SPOCK1: variants seen among roughly 807,000 people sequenced by gnomAD.
The protein encoded by SPOCK1 is testican-1.
Under a neutral mutation model 55.3 loss-of-function variants are expected in SPOCK1, and 23 were observed. The ratio of observed to expected loss-of-function variants is 0.42; its 90% CI spans 0.30 to 0.59. The LOEUF is 0.59. Among genes scored for constraint, SPOCK1 ranks in the 20% least tolerant of loss-of-function variants. The pLI is 0.22. For missense variants in SPOCK1, 499 were observed against 552.5 expected (o/e 0.90, Z 0.97); for synonymous variants, 226 against 221.0 (o/e 1.02, Z -0.20).
At chr5:137,123,146 C>T (rs1199796581) in intron 4 of SPOCK1, among the ~76,000 whole-genome samples, 2 of 152,200 alleles carry the variant, frequency 1.3e-5, no homozygotes, top group African/African-American at 2.4e-5. Flanking sequence ...CAGCCAGATC[C>T]GCACCATTAC....
chr5:137,231,207 G>A (rs1756055220), intron 3 of SPOCK1, among the ~76,000 whole-genome samples: 1 of 152,140 alleles, frequency 6.6e-6, no homozygotes, highest in African/African-American at 2.4e-5. Flanking sequence ...ACCACAACCA[G>A]CTAATTTTTG....
chr5:137,424,873 G>A (rs1466351347), intron 2 of SPOCK1, among the ~76,000 whole-genome samples: 1 of 152,192 alleles, frequency 6.6e-6, no homozygotes, highest in Non-Finnish European at 1.5e-5. Flanking sequence ...TAATAAAAAT[G>A]TTCTAAATCT....
At chr5:137,362,330 C>CTT (rs745634969) in intron 2 of SPOCK1, among the ~76,000 whole-genome samples, 10,455 of 136,540 alleles carry the variant, frequency 0.077, 562 homozygotes, top group Admixed American at 0.18. Flanking sequence ...CGTCAGCAAC[C>CTT]TTTTTTTTTT....
At chr5:137,211,214 G>A (rs540738118) in intron 3 of SPOCK1, among the ~76,000 whole-genome samples, 164 of 152,280 alleles carry the variant, frequency 1.1e-3, no homozygotes, top group African/African-American at 3.5e-3. Flanking sequence ...GGATCCCATT[G>A]GTGCATAGGA....
At chr5:137,324,306 G>T (rs1489254533) in intron 2 of SPOCK1, among the ~76,000 whole-genome samples, 2 of 152,142 alleles carry the variant, frequency 1.3e-5, no homozygotes, top group Admixed American at 1.3e-4. Context: ...TTAGCCAGGT[G>T]TGGGGATGAG....
chr5:136,982,794 A>C (rs1750756492), intron 9 of SPOCK1, among the ~76,000 whole-genome samples: 1 of 152,204 alleles, frequency 6.6e-6, no homozygotes, highest in Non-Finnish European at 1.5e-5. Context: ...GTTTGGTAGA[A>C]TAAATCCTTT....
chr5:137,001,934 T>C (rs1414707905), intron 6 of SPOCK1, among the ~76,000 whole-genome samples: 2 of 152,196 alleles, frequency 1.3e-5, no homozygotes, highest in Non-Finnish European at 2.9e-5. Context: ...ACAGAGATCT[T>C]TGAGCCAGGT....
chr5:137,205,324 T>G (rs1291664161), intron 3 of SPOCK1, among the ~76,000 whole-genome samples: 2 of 151,946 alleles, frequency 1.3e-5, no homozygotes, highest in Non-Finnish European at 2.9e-5. Context: ...CTATTGCACG[T>G]CAGTGAAAGG....
At chr5:137,472,761 T>C (rs1400907588) in intron 2 of SPOCK1, among the ~76,000 whole-genome samples, 1 of 152,022 alleles carries the variant, frequency 6.6e-6, no homozygotes, top group African/African-American at 2.4e-5. Context: ...ATTCAGACAA[T>C]GGAATATACG....
intron 6 of SPOCK1, among the ~76,000 whole-genome samples, chr5:137,064,424 A>T (rs547033393): frequency 2.0e-5 from 3 of 152,146 alleles, no homozygotes; most frequent in African/African-American, 4.8e-5. Context: ...ACAGACCTGC[A>T]TTTATAAGAC....
At chr5:137,054,527 G>C (rs961129248) in intron 6 of SPOCK1, among the ~76,000 whole-genome samples, 13 of 152,176 alleles carry the variant, frequency 8.5e-5, no homozygotes, top group African/African-American at 2.9e-4. Context: ...ATGTCCCTTA[G>C]CTGCTGCTCA....
At chr5:137,160,867 C>T (rs1222093974) in intron 3 of SPOCK1, among the ~76,000 whole-genome samples, 6 of 144,976 alleles carry the variant, frequency 4.1e-5, no homozygotes. Flanking sequence ...AATCCCACTA[C>T]TGAGTATCTA....
chr5:137,350,996 C>A (rs774972209), intron 2 of SPOCK1, among the ~76,000 whole-genome samples: 14 of 152,142 alleles, frequency 9.2e-5, no homozygotes, highest in African/African-American at 2.9e-4. Flanking sequence ...CATGACTCAG[C>A]GGAATGTAGG....
chr5:137,166,403 T>C (rs1754648147), intron 3 of SPOCK1, among the ~76,000 whole-genome samples: 2 of 151,140 alleles, frequency 1.3e-5, no homozygotes, highest in South Asian at 4.2e-4. Context: ...AGACCTTTCC[T>C]ACAAGAAATG....
At chr5:137,397,258 A>T (rs920881988) in intron 2 of SPOCK1, among the ~76,000 whole-genome samples, 5 of 152,202 alleles carry the variant, frequency 3.3e-5, no homozygotes, top group Non-Finnish European at 7.4e-5. Flanking sequence ...GGCTGGTCCA[A>T]GAAGTGAGTG....
intron 2 of SPOCK1, among the ~76,000 whole-genome samples, chr5:137,359,938 C>A (rs952475865): frequency 6.6e-6 from 1 of 152,184 alleles, no homozygotes; most frequent in African/African-American, 2.4e-5. Flanking sequence ...CTCGTGGTGA[C>A]AAATGTACTA....
chr5:137,337,695 C>T (rs1047606838), intron 2 of SPOCK1, among the ~76,000 whole-genome samples: 2 of 152,174 alleles, frequency 1.3e-5, no homozygotes, highest in Non-Finnish European at 2.9e-5. Context: ...TATAACAGCA[C>T]GTATACAAGT....
At chr5:137,134,472 G>A (rs1242096675) in intron 4 of SPOCK1, among the ~76,000 whole-genome samples, 1 of 152,180 alleles carries the variant, frequency 6.6e-6, no homozygotes, top group African/African-American at 2.4e-5. Context: ...ACCCTATCCA[G>A]ACCCAGAACA....
intron 2 of SPOCK1, among the ~76,000 whole-genome samples, chr5:137,441,506 T>A (rs547893086): frequency 6.6e-6 from 1 of 152,344 alleles, no homozygotes; most frequent in Non-Finnish European, 1.5e-5. Flanking sequence ...CCCGCCAGGC[T>A]GAAACCACTG....
Sources: gnomAD v4.1 joint callset for allele counts (sites outside exome capture counted in the v4.1 genomes callset) on GRCh38, gnomAD v4.1.1 for gene constraint, MANE v1.5 for transcripts, NCBI Gene and HGNC (gene_info 2026-07-23, HGNC 2026-07-21) for gene names.